Variants in TTBK2 observed in about 807,000 individuals in gnomAD.
TTBK2 encodes tau tubulin kinase 2.
A neutral mutation model predicts 110.8 loss-of-function variants in TTBK2; 28 were observed. That is an observed-to-expected ratio of 0.25 (90% CI 0.19 to 0.35). The LOEUF is 0.35. TTBK2 is among the 10% of genes least tolerant of loss of function. The probability of loss-of-function intolerance (pLI) is 1.00; values close to 1 mark genes in which losing one functional copy is unlikely to be tolerated. For missense variants in TTBK2, 1,369 were observed against 1,500.3 expected (o/e 0.91, Z 1.45); for synonymous variants, 532 against 527.3 (o/e 1.01, Z -0.12).
rs536997277 is a variant in TTBK2 at position 42,912,899 on chromosome 15, G to A, written c.-68+7539C>T. On this transcript the variant is annotated intron_variant, in intron 1 of 14. Transcript: ENST00000267890. ...CCAGCACTTTGGGAGGCCGAGGCAGGTGGATCATGAGGTCAGGAGATCGAG... is the reference window on the plus strand; with the variant it reads ...CCAGCACTTTGGGAGGCCGAGGCAGATGGATCATGAGGTCAGGAGATCGAG... 3.9e-5 allele frequency among the ~76,000 whole-genome samples: 6 copies of A among 151,902 alleles called. No individual in the cohort carries two copies. In the South Asian group the frequency reaches 1.0e-3, roughly 26 times the overall value.
At chr15:42,764,582 G>C (rs1436415798) in intron 13 of TTBK2, among the ~76,000 whole-genome samples, 1 of 152,260 alleles carries the variant, frequency 6.6e-6, no homozygotes, top group Non-Finnish European at 1.5e-5. Flanking sequence ...TGAGGCTTGA[G>C]TAGGTAAATA....
intron 9 of TTBK2, among the ~76,000 whole-genome samples, chr15:42,800,607 G>A (rs556585716): frequency 1.3e-5 from 2 of 152,322 alleles, no homozygotes; most frequent in South Asian, 4.1e-4. Context: ...TACTTAAGCA[G>A]GAGAGCACTA....
chr15:42,811,164 A>C lies in TTBK2; in HGVS notation c.697-425T>G, dbSNP rs545057368. Among the ~76,000 whole-genome samples, 3 of 152,076 alleles carry C rather than the reference A, an allele frequency of 2.0e-5. No homozygotes were observed. The East Asian group carries it at 5.8e-4, about 29-fold the overall frequency. On this transcript the variant is annotated intron_variant, in intron 8 of 14. Transcript: ENST00000267890. ...TGCCACCATGCCCAGCTAATTTTTA[A>C]AAAATTTTTGTAAAGATTGGGGTCT...
intron 3 of TTBK2, among the ~76,000 whole-genome samples, chr15:42,858,854 T>C (rs1007173514): frequency 2.6e-5 from 4 of 152,166 alleles, no homozygotes; most frequent in African/African-American, 9.7e-5. Context: ...TTCCCTGAAA[T>C]TTACAGAAAT....
intron 3 of TTBK2, among the ~76,000 whole-genome samples, chr15:42,853,394 A>G (rs1375642582): frequency 6.6e-6 from 1 of 152,212 alleles, no homozygotes; most frequent in African/African-American, 2.4e-5. Flanking sequence ...TGAGAATAAA[A>G]TTGTTTCATT....
At chr15:42,919,852 G>T in intron 1 of TTBK2, 3 of 984,204 alleles carry the variant, frequency 3.0e-6, no homozygotes, top group Non-Finnish European at 3.6e-6. Flanking sequence ...CGATTTGACA[G>T]AACATATACG....
chr15:42,752,648 C>G lies in TTBK2; in HGVS notation c.2598G>C (p.Gln866His). The G allele has an allele frequency of 6.2e-7, 1 of 1,614,152 alleles. No homozygotes were observed. The highest frequency in any genetic ancestry group is 8.5e-7 in the Non-Finnish European group (1 of 1,180,038). ...TTTGCATTTCTGCCACTTGGCCTAT[C>G]TGACCTTCAACATGTGGGTCAATGT... ...SRDIDPHVEG[Q>H]IGQVAEMQKN... The change falls in exon 14 of 15, where the codon CAG becomes CAC. Residue 866 changes from glutamine (Q) to histidine (H), a missense_variant. Gln to His is a conservative substitution (Grantham distance 24, BLOSUM62 0). Around this residue, in one of 4 missense-constraint regions of TTBK2, gnomAD observed 1,097 missense variants for 1,114.7 expected, o/e 0.98. Transcript: ENST00000267890.
chr15:42,837,087 C>T (rs1038847390), intron 4 of TTBK2, among the ~76,000 whole-genome samples: 8 of 152,100 alleles, frequency 5.3e-5, no homozygotes, highest in Non-Finnish European at 8.8e-5. Context: ...AGGCTGGGCG[C>T]GGTGGCTTAC....
chr15:42,750,284 C>G (rs2061848159), intron 14 of TTBK2, among the ~76,000 whole-genome samples: 2 of 151,954 alleles, frequency 1.3e-5, no homozygotes, highest in African/African-American at 4.8e-5. Flanking sequence ...TGAAAAAGAC[C>G]TGATAGCAAA....
intron 3 of TTBK2, among the ~76,000 whole-genome samples, chr15:42,852,152 C>T (rs961870149): frequency 3.3e-5 from 5 of 151,974 alleles, no homozygotes; most frequent in Non-Finnish European, 7.4e-5. Flanking sequence ...TCACTGCAAC[C>T]TCTGCCTCCC....
intron 10 of TTBK2, among the ~76,000 whole-genome samples, chr15:42,785,999 C>T: frequency 6.6e-6 from 1 of 152,054 alleles, no homozygotes; most frequent in Admixed American, 6.6e-5. Context: ...CTTGTTCCAC[C>T]TGACTTGGTA....
intron 10 of TTBK2, among the ~76,000 whole-genome samples, chr15:42,785,467 A>C (rs1263173317): frequency 6.6e-6 from 1 of 152,180 alleles, no homozygotes; most frequent in African/African-American, 2.4e-5. Context: ...AGGCCCTAGC[A>C]ACACAAAGAG....
At chr15:42,877,724 A>C (rs534312458) in intron 2 of TTBK2, among the ~76,000 whole-genome samples, 98 of 152,300 alleles carry the variant, frequency 6.4e-4, no homozygotes, top group African/African-American at 2.3e-3. Flanking sequence ...CTACATGCTA[A>C]CAGACAAAAT....
chr15:42,763,178 A>ATATG (rs1567008970), intron 13 of TTBK2, among the ~76,000 whole-genome samples: 8 of 17,186 alleles, frequency 4.7e-4, no homozygotes, highest in African/African-American at 1.1e-3. Context: ...ATATATATAT[A>ATATG]TATATATATA....
intron 1 of TTBK2, among the ~76,000 whole-genome samples, chr15:42,902,461 G>A (rs1184733847): frequency 3.3e-5 from 5 of 151,926 alleles, no homozygotes; most frequent in Non-Finnish European, 5.9e-5. Context: ...CGGAGATTGC[G>A]GTGAGCCGAG....
chr15:42,799,396 A>T (rs1037845807), intron 9 of TTBK2, among the ~76,000 whole-genome samples: 2 of 151,322 alleles, frequency 1.3e-5, no homozygotes, highest in Non-Finnish European at 3.0e-5. Flanking sequence ...GAAATCCAAA[A>T]CACTTCAAAT....
At chr15:42,899,630 C>A (rs142425930) in intron 1 of TTBK2, among the ~76,000 whole-genome samples, 1 of 152,058 alleles carries the variant, frequency 6.6e-6, no homozygotes, top group African/African-American at 2.4e-5. Context: ...ATCCCAGCTA[C>A]CTGGGAGGCT....
At chr15:42,756,148 G>C (rs1874065856) in intron 13 of TTBK2, among the ~76,000 whole-genome samples, 2 of 152,130 alleles carry the variant, frequency 1.3e-5, no homozygotes, top group Non-Finnish European at 2.9e-5. Context: ...AGTGAGCCAA[G>C]ATCATGCCAC....
intron 10 of TTBK2, among the ~76,000 whole-genome samples, chr15:42,791,758 T>C (rs1183113706): frequency 6.6e-6 from 1 of 152,224 alleles, no homozygotes; most frequent in East Asian, 1.9e-4. Context: ...GTATCTGCTA[T>C]TCCTGTACCT....
Sources: allele counts gnomAD v4.1 joint callset (sites outside exome capture counted in the v4.1 genomes callset), GRCh38; gene constraint gnomAD v4.1.1; regional missense constraint gnomAD v4.1.1; transcripts MANE v1.5; gene names NCBI Gene and HGNC (gene_info 2026-07-23, HGNC 2026-07-21).